TMEM132D: variants seen among roughly 807,000 people sequenced by gnomAD.
The protein encoded by TMEM132D is transmembrane protein 132D.
Under a neutral mutation model 62.3 loss-of-function variants are expected in TMEM132D, and 21 were observed. That is an observed-to-expected ratio of 0.34 (90% CI 0.24 to 0.49). The LOEUF (loss-of-function observed/expected upper bound fraction) is 0.49. TMEM132D is among the 20% of genes least tolerant of loss of function. The pLI, the probability that TMEM132D is intolerant of heterozygous loss-of-function variation, is 0.99. For synonymous variants in TMEM132D, 621 were observed against 575.6 expected, an observed-to-expected ratio of 1.08 and a Z score of -1.13; for missense variants, 1,346 against 1,402.8, an observed-to-expected ratio of 0.96 and a Z score of 0.65.
At chr12:129,185,297 C>T (rs958950667) in intron 5 of TMEM132D, among the ~76,000 whole-genome samples, 3 of 151,932 alleles carry the variant, frequency 2.0e-5, no homozygotes, top group Non-Finnish European at 4.4e-5. Flanking sequence ...TCTGTCATCA[C>T]CAAGAATAAA....
At chr12:129,421,816 TAAAG>T (rs1442783678) in intron 3 of TMEM132D, among the ~76,000 whole-genome samples, 1 of 152,238 alleles carries the variant, frequency 6.6e-6, no homozygotes, top group Admixed American at 6.5e-5. Context: ...GTCATCATGG[TAAAG>T]ATAGACTCAT....
chr12:129,422,250 G>A (rs182661897), intron 3 of TMEM132D, among the ~76,000 whole-genome samples: 60 of 152,126 alleles, frequency 3.9e-4, no homozygotes, highest in Admixed American at 1.4e-3. Flanking sequence ...TTTTATTGGC[G>A]AAAATCACCA....
intron 1 of TMEM132D, among the ~76,000 whole-genome samples, chr12:129,751,262 G>A (rs1869992116): frequency 6.6e-6 from 1 of 152,188 alleles, no homozygotes; most frequent in Non-Finnish European, 1.5e-5. Flanking sequence ...CAAAGGAGGA[G>A]TAAGCTAGTC....
intron 5 of TMEM132D, among the ~76,000 whole-genome samples, chr12:129,091,560 C>T (rs960379491): frequency 6.8e-6 from 1 of 146,296 alleles, no homozygotes; most frequent in Non-Finnish European, 1.5e-5. Flanking sequence ...AAGCTCATCT[C>T]AGCTCTGGAG....
intron 2 of TMEM132D, among the ~76,000 whole-genome samples, chr12:129,641,217 T>C (rs1879633235): frequency 6.6e-6 from 1 of 152,318 alleles, no homozygotes; most frequent in Middle Eastern, 3.4e-3. Flanking sequence ...TCTGTTGCTA[T>C]GTAAGGCACG....
chr12:129,296,000 G>A (rs1485036217), intron 4 of TMEM132D, among the ~76,000 whole-genome samples: 1 of 151,648 alleles, frequency 6.6e-6, no homozygotes, highest in Non-Finnish European at 1.5e-5. Context: ...ACACAAATGA[G>A]CACACACACA....
chr12:129,545,588 A>T (rs1343387892), intron 2 of TMEM132D, among the ~76,000 whole-genome samples: 2 of 152,074 alleles, frequency 1.3e-5, no homozygotes, highest in South Asian at 4.2e-4. Flanking sequence ...CATAACTGAG[A>T]CTTCATGCCC....
At chr12:129,680,668 G>C (rs1880754519) in intron 2 of TMEM132D, among the ~76,000 whole-genome samples, 1 of 152,142 alleles carries the variant, frequency 6.6e-6, no homozygotes, top group Non-Finnish European at 1.5e-5. Context: ...ACCCATCCCA[G>C]ATAACTGACA....
At chr12:129,794,340 G>C (rs1006738218) in intron 1 of TMEM132D, among the ~76,000 whole-genome samples, 3 of 149,696 alleles carry the variant, frequency 2.0e-5, no homozygotes, top group Non-Finnish European at 3.0e-5. Flanking sequence ...GATCTCAGGT[G>C]ATCAACCCAC....
intron 5 of TMEM132D, among the ~76,000 whole-genome samples, chr12:129,147,318 G>T (rs941947693): frequency 3.4e-5 from 5 of 149,180 alleles, no homozygotes; most frequent in Non-Finnish European, 5.9e-5. Flanking sequence ...ATGTGTATAT[G>T]TATATATATA....
rs994497869 is a variant in TMEM132D at position 129,684,335 on chromosome 12, G to A, written c.968+15475C>T. On this transcript the variant is annotated intron_variant, in intron 2 of 8. Transcript: ENST00000422113. Reference sequence around the variant, plus strand: ...GAGATCTGATGGTTTTATAAGGGGCGTTTCCCCCTTTGCTTGGCACTTTTC... The same window carrying A: ...GAGATCTGATGGTTTTATAAGGGGCATTTCCCCCTTTGCTTGGCACTTTTC... Among the ~76,000 whole-genome samples, 8 of 152,156 alleles carry A rather than the reference G, an allele frequency of 5.3e-5. No homozygotes were observed. In the East Asian group the frequency reaches 7.8e-4, roughly 15 times the overall value.
At chr12:129,773,277 A>T (rs547204001) in intron 1 of TMEM132D, among the ~76,000 whole-genome samples, 4 of 152,346 alleles carry the variant, frequency 2.6e-5, no homozygotes, top group Admixed American at 2.0e-4. Flanking sequence ...TGAGCAAGGC[A>T]GACACATTGC....
intron 5 of TMEM132D, among the ~76,000 whole-genome samples, chr12:129,107,945 A>G (rs1228828754): frequency 1.3e-5 from 2 of 151,714 alleles, no homozygotes; most frequent in East Asian, 3.9e-4. Flanking sequence ...CTCCTGCCTC[A>G]GCCTCCCAAA....
intron 4 of TMEM132D, among the ~76,000 whole-genome samples, chr12:129,333,901 A>G (rs1200865765): frequency 6.6e-6 from 1 of 152,192 alleles, no homozygotes; most frequent in Non-Finnish European, 1.5e-5. Context: ...CAGGTGGATC[A>G]TCTTAGGTCA....
intron 3 of TMEM132D, among the ~76,000 whole-genome samples, chr12:129,432,479 T>C (rs1170121973): frequency 6.6e-6 from 1 of 152,258 alleles, no homozygotes; most frequent in Non-Finnish European, 1.5e-5. Flanking sequence ...GTCTGAGACA[T>C]AGCAGTCATT....
intron 1 of TMEM132D, among the ~76,000 whole-genome samples, chr12:129,880,106 T>C (rs1289589423): frequency 6.6e-6 from 1 of 151,876 alleles, no homozygotes; most frequent in African/African-American, 2.4e-5. Context: ...AGAGAAAATG[T>C]TGAGGGCAGC....
intron 5 of TMEM132D, among the ~76,000 whole-genome samples, chr12:129,099,176 A>T (rs1450598244): frequency 6.6e-6 from 1 of 151,968 alleles, no homozygotes; most frequent in Admixed American, 6.6e-5. Flanking sequence ...ATCATTTACT[A>T]CCCCTCTAAA....
chr12:129,730,873 C>G (rs1398993757), intron 1 of TMEM132D, among the ~76,000 whole-genome samples: 1 of 152,000 alleles, frequency 6.6e-6, no homozygotes, highest in Non-Finnish European at 1.5e-5. Context: ...GGACCTTCAA[C>G]CACAGACTGA....
chr12:129,837,454 T>C (rs1873040980), intron 1 of TMEM132D, among the ~76,000 whole-genome samples: 2 of 152,198 alleles, frequency 1.3e-5, no homozygotes, highest in African/African-American at 2.4e-5. Context: ...TTTTTAAAAC[T>C]TTCTACAGTT....
Sources: allele counts gnomAD v4.1 joint callset (sites outside exome capture counted in the v4.1 genomes callset), GRCh38; gene constraint gnomAD v4.1.1; transcripts MANE v1.5; gene names NCBI Gene and HGNC (gene_info 2026-07-23, HGNC 2026-07-21).